The following TWSG1 variants were observed in gnomAD, a reference collection of about 807,000 sequenced individuals.
TWSG1 encodes twisted gastrulation protein homolog 1.
A neutral mutation model predicts 23.0 loss-of-function variants in TWSG1; 15 were observed. That is an observed-to-expected ratio of 0.65 (90% CI 0.44 to 1.00). The LOEUF is 1.00. Among genes scored for constraint, TWSG1 ranks in the 50% least tolerant of loss-of-function variants. TWSG1 has a pLI of 0.00. For missense variants in TWSG1, 242 were observed against 278.7 expected (o/e 0.87, Z 0.94); for synonymous variants, 86 against 92.8 (o/e 0.93, Z 0.42).
chr18:9,351,979 T>G (rs1306500227), intron 2 of TWSG1, among the ~76,000 whole-genome samples: 1 of 152,082 alleles, frequency 6.6e-6, no homozygotes, highest in South Asian at 2.1e-4. Context: ...GTTTTATGAT[T>G]TTTGACAAAC....
intron 3 of TWSG1, among the ~76,000 whole-genome samples, chr18:9,394,170 G>A (rs2040724529): frequency 6.6e-6 from 1 of 152,158 alleles, no homozygotes; most frequent in Non-Finnish European, 1.5e-5. Context: ...AACAACAGAT[G>A]AATGCATAAA....
chr18:9,337,055 C>T, intron 1 of TWSG1, 138 bp from the exon 2 acceptor site: 1 of 688,770 alleles, frequency 1.5e-6, no homozygotes, highest in Non-Finnish European at 2.3e-6. Context: ...GCCTGGGCAA[C>T]AGAGCAAGAC....
At chr18:9,379,093 C>A (rs955494212) in intron 3 of TWSG1, among the ~76,000 whole-genome samples, 1 of 152,098 alleles carries the variant, frequency 6.6e-6, no homozygotes, top group Non-Finnish European at 1.5e-5. Flanking sequence ...ATTAGTTCAA[C>A]CATTGTGGAA....
At chr18:9,392,829 G>A (rs1388355186) in intron 3 of TWSG1, among the ~76,000 whole-genome samples, 3 of 151,994 alleles carry the variant, frequency 2.0e-5, no homozygotes, top group South Asian at 2.1e-4. Context: ...ACCATAGTAC[G>A]GTTACTAATT....
At chr18:9,357,185 C>T (rs1007309456) in intron 2 of TWSG1, among the ~76,000 whole-genome samples, 7 of 152,198 alleles carry the variant, frequency 4.6e-5, no homozygotes, top group Non-Finnish European at 8.8e-5. Flanking sequence ...TCTGCCCTTT[C>T]AGTCCCTCTG....
chr18:9,394,339 T>C (rs901504914), intron 3 of TWSG1, among the ~76,000 whole-genome samples: 1 of 152,140 alleles, frequency 6.6e-6, no homozygotes, highest in African/African-American at 2.4e-5. Flanking sequence ...TTCTCACTCA[T>C]ATGTGGAAGT....
At chr18:9,384,801 A>C (rs1240067636) in intron 3 of TWSG1, among the ~76,000 whole-genome samples, 1 of 152,008 alleles carries the variant, frequency 6.6e-6, no homozygotes, top group Admixed American at 6.6e-5. Flanking sequence ...ACATGCCACC[A>C]TGCCTGGCTA....
At chr18:9,335,263 G>T (rs961891877) in intron 1 of TWSG1, among the ~76,000 whole-genome samples, 2 of 152,228 alleles carry the variant, frequency 1.3e-5, no homozygotes, top group African/African-American at 4.8e-5. Flanking sequence ...GGCGTCCGGC[G>T]CCTTCGGGGC....
At chr18:9,369,398 A>C (rs1279650027) in intron 3 of TWSG1, among the ~76,000 whole-genome samples, 2 of 151,680 alleles carry the variant, frequency 1.3e-5, no homozygotes, top group African/African-American at 4.8e-5. Context: ...CCTCCCAAGT[A>C]GTTGGGATTA....
chr18:9,344,714 G>A (rs915023026), intron 2 of TWSG1, among the ~76,000 whole-genome samples: 4 of 151,260 alleles, frequency 2.6e-5, no homozygotes, highest in Non-Finnish European at 5.9e-5. Flanking sequence ...ATATCTTTGG[G>A]GAAATACCTA....
At chr18:9,336,221 G>C (rs1312654990) in intron 1 of TWSG1, among the ~76,000 whole-genome samples, 2 of 151,908 alleles carry the variant, frequency 1.3e-5, no homozygotes, top group Non-Finnish European at 2.9e-5. Flanking sequence ...GTGAAACCCC[G>C]TCTCTACTAA....
intron 3 of TWSG1, among the ~76,000 whole-genome samples, chr18:9,369,427 C>T (rs1012826951): frequency 5.3e-5 from 8 of 151,988 alleles, no homozygotes; most frequent in African/African-American, 1.9e-4. Flanking sequence ...CGCCACCACG[C>T]CTGGCTAATT....
intron 3 of TWSG1, among the ~76,000 whole-genome samples, chr18:9,379,819 C>T (rs937610136): frequency 4.6e-5 from 7 of 151,964 alleles, no homozygotes; most frequent in African/African-American, 9.7e-5. Flanking sequence ...ATTAGAAGTG[C>T]GTTGAATCTA....
At chr18:9,352,372 TG>T (rs769234241) in intron 2 of TWSG1, among the ~76,000 whole-genome samples, 1 of 152,204 alleles carries the variant, frequency 6.6e-6, no homozygotes, top group Non-Finnish European at 1.5e-5. Flanking sequence ...TCAGTAATTA[TG>T]AATGATGTTG....
At chr18:9,383,906 T>C (rs759625913) in intron 3 of TWSG1, among the ~76,000 whole-genome samples, 13 of 151,982 alleles carry the variant, frequency 8.6e-5, no homozygotes, top group African/African-American at 2.9e-4. Context: ...AAGTTACTAG[T>C]AAGTAGGGGA....
intron 3 of TWSG1, among the ~76,000 whole-genome samples, chr18:9,368,447 C>T (rs112972677): frequency 0.038 from 5,839 of 152,218 alleles, 367 homozygotes; most frequent in African/African-American, 0.13. Context: ...AGGATCCACT[C>T]GCCTCAGCCT....
intron 1 of TWSG1, among the ~76,000 whole-genome samples, chr18:9,336,729 C>T (rs1414765531): frequency 6.6e-6 from 1 of 152,142 alleles, no homozygotes; most frequent in South Asian, 2.1e-4. Flanking sequence ...CTGATATACT[C>T]TCAAGTTACT....
intron 3 of TWSG1, among the ~76,000 whole-genome samples, chr18:9,376,867 G>T (rs1370325519): frequency 5.3e-5 from 8 of 150,462 alleles, no homozygotes; most frequent in Non-Finnish European, 1.2e-4. Flanking sequence ...GGCCTATGAT[G>T]GTTATGTCTG....
chr18:9,360,371 TTG>T (rs1321347147), intron 3 of TWSG1, among the ~76,000 whole-genome samples: 1 of 152,184 alleles, frequency 6.6e-6, no homozygotes, highest in Admixed American at 6.5e-5. Context: ...CATTTTTTTT[TTG>T]TTTTTAATAA....
Sources: gnomAD v4.1 joint callset for allele counts (sites outside exome capture counted in the v4.1 genomes callset) on GRCh38, gnomAD v4.1.1 for gene constraint, MANE v1.5 for transcripts, NCBI Gene and HGNC (gene_info 2026-07-23, HGNC 2026-07-21) for gene names.